DIAPH3: variants seen among roughly 807,000 people sequenced by gnomAD.
DIAPH3 encodes diaphanous related formin 3, also known as protein diaphanous homolog 3.
Under a neutral mutation model 144.3 loss-of-function variants are expected in DIAPH3, and 117 were observed. That is an observed-to-expected ratio of 0.81 (90% confidence interval 0.70 to 0.95). The LOEUF (loss-of-function observed/expected upper bound fraction) is 0.95, where lower values mean the gene tolerates loss of function less well. Ranked by LOEUF, DIAPH3 falls within the 40% of genes least tolerant of loss-of-function variation. The probability of loss-of-function intolerance (pLI) is 0.00; values close to 1 mark genes in which losing one functional copy is unlikely to be tolerated. For missense variants in DIAPH3, 1,421 were observed against 1,412.7 expected (o/e 1.01, Z -0.09); for synonymous variants, 519 against 488.9 (o/e 1.06, Z -0.81).
chr13:59,922,736 T>C (rs977397167), intron 18 of DIAPH3, among the ~76,000 whole-genome samples: 5 of 152,084 alleles, frequency 3.3e-5, no homozygotes, highest in Non-Finnish European at 7.4e-5. Context: ...TAATATGACA[T>C]GGTATAAATT....
In DIAPH3 at chr13:59,774,878, T is replaced by C. The variant is rs1012544062; in HGVS notation, c.3164-55A>G. The C allele has an allele frequency of 6.3e-6, 9 of 1,438,364 alleles. No individual in the cohort carries two copies. The African/African-American group carries it at 9.8e-5, about 16-fold the overall frequency. The allele number at this position is 1,438,364 out of a possible 1,614,324, so 89.1% of individuals were successfully genotyped here. On this transcript the variant is annotated intron_variant, in intron 25 of 27. Coordinates refer to ENST00000400324, the MANE Select transcript of DIAPH3 (RefSeq NM_001042517.2). ...AGCCCTCAGGGTTACCATAGCAATGTCAAAGCATATACAAAAACTGGTGAT... is the reference window on the plus strand; with the variant it reads ...AGCCCTCAGGGTTACCATAGCAATGCCAAAGCATATACAAAAACTGGTGAT...
chr13:59,910,187 C>T (rs2046923868), intron 20 of DIAPH3, among the ~76,000 whole-genome samples: 1 of 134,080 alleles, frequency 7.5e-6, no homozygotes, highest in Non-Finnish European at 1.7e-5. Context: ...AAAAAAAAAA[C>T]ACTCTAAATA....
Position 60,042,828 on chromosome 13 carries a change from A to AT in DIAPH3, c.496-9dup. 6.2e-7 allele frequency: 1 copy of AT among 1,612,744 alleles called. No individual in the cohort carries two copies. Among genetic ancestry groups the AT allele is most frequent in the Non-Finnish European group, 8.5e-7 (1 of 1,179,126 alleles). On this transcript the variant is annotated splice_polypyrimidine_tract_variant and intron_variant, in intron 4 of 27. Coordinates refer to ENST00000400324, the MANE Select transcript of DIAPH3 (RefSeq NM_001042517.2). ...GCTTCTCTTAAGACTTCCCTATAAA[A>AT]TAAGTCAAAAAATGTTTTGATTAAT...
intron 2 of DIAPH3, among the ~76,000 whole-genome samples, chr13:60,115,189 C>T (rs182789923): frequency 7.9e-5 from 12 of 152,114 alleles, no homozygotes; most frequent in Admixed American, 7.9e-4. Context: ...TGGTGACCAA[C>T]ACAGCTACAG....
chr13:60,031,945 C>T (rs1241471532), intron 5 of DIAPH3, among the ~76,000 whole-genome samples: 2 of 151,830 alleles, frequency 1.3e-5, no homozygotes, highest in South Asian at 2.1e-4. Flanking sequence ...GGTTTCACCA[C>T]GTTGGCCAAG....
intron 3 of DIAPH3, 38 bp from the exon 4 acceptor site, chr13:60,093,770 A>G (rs1566763684): frequency 1.5e-6 from 2 of 1,352,214 alleles, no homozygotes; most frequent in East Asian, 2.3e-5. Context: ...TTTAGAATCT[A>G]AGTAGAGCAG....
At chr13:59,701,848 A>T (rs1028779614) in intron 27 of DIAPH3, among the ~76,000 whole-genome samples, 1 of 152,222 alleles carries the variant, frequency 6.6e-6, no homozygotes, top group Non-Finnish European at 1.5e-5. Flanking sequence ...CAGATCTGCA[A>T]GGTCTTCCCT....
chr13:59,917,270 G>T (rs1049239481), intron 18 of DIAPH3, among the ~76,000 whole-genome samples: 1 of 152,136 alleles, frequency 6.6e-6, no homozygotes, highest in Non-Finnish European at 1.5e-5. Context: ...TATAAAAGCA[G>T]AATATAAGGA....
At chr13:60,054,796 T>C (rs753883068) in intron 4 of DIAPH3, among the ~76,000 whole-genome samples, 3 of 151,978 alleles carry the variant, frequency 2.0e-5, no homozygotes, top group Admixed American at 6.6e-5. Flanking sequence ...TTTCAAATGA[T>C]TTCAAGCATC....
At chr13:59,694,625 G>C (rs909908755) in intron 27 of DIAPH3, among the ~76,000 whole-genome samples, 2 of 152,064 alleles carry the variant, frequency 1.3e-5, no homozygotes, top group African/African-American at 4.8e-5. Context: ...GCTTAATAAA[G>C]TAAATTAGCC....
At chr13:60,121,708 C>T (rs148834978) in intron 2 of DIAPH3, among the ~76,000 whole-genome samples, 5 of 152,178 alleles carry the variant, frequency 3.3e-5, no homozygotes, top group Middle Eastern at 3.4e-3. Context: ...GCCTGGAGGA[C>T]TTGATAGATA....
chr13:59,907,248 A>T (rs1302525370), intron 20 of DIAPH3, among the ~76,000 whole-genome samples: 1 of 152,218 alleles, frequency 6.6e-6, no homozygotes, highest in South Asian at 2.1e-4. Flanking sequence ...GAATATTTCA[A>T]ATTAAGCACA....
Position 59,722,331 on chromosome 13 carries a change from G to A in DIAPH3, c.3319+51858C>T, listed in dbSNP as rs541598069. On this transcript the variant is annotated intron_variant, in intron 27 of 27. Coordinates refer to ENST00000400324, the MANE Select transcript of DIAPH3 (RefSeq NM_001042517.2). ...AAATATGATTATTACTTGTGAACAGGTAATGTATCCTGGTTATGGTGGACT... is the reference window on the plus strand; with the variant it reads ...AAATATGATTATTACTTGTGAACAGATAATGTATCCTGGTTATGGTGGACT... 3.1e-4 allele frequency among the ~76,000 whole-genome samples: 47 copies of A among 152,314 alleles called. 1 individual carries two copies. In the South Asian group the frequency reaches 9.5e-3, roughly 31 times the overall value.
In DIAPH3 at chr13:59,861,506, T is replaced by C; in HGVS notation, c.2638A>G (p.Thr880Ala). 6.2e-7 allele frequency: 1 copy of C among 1,613,794 alleles called. No homozygotes were observed. The highest frequency in any genetic ancestry group is 1.7e-5 in the Admixed American group (1 of 60,008). Residue 880 changes from threonine to alanine, a missense_variant, in exon 22 of 28, where the codon ACA becomes GCA. Physicochemically the swap from Thr to Ala is moderately conservative, Grantham distance 58. Coordinates refer to ENST00000400324, the MANE Select transcript of DIAPH3 (RefSeq NM_001042517.2). ...TCTACCAGGAAATGAAGTAGCGTTG[T>C]TTTCTGATCTGCTGATTTTGTGTCC... The part of the protein sequence containing the change: ...LKDTKSADQK[T>A]TLLHFLVEIC...
intron 17 of DIAPH3, among the ~76,000 whole-genome samples, chr13:59,954,609 C>T (rs2140458240): frequency 6.6e-6 from 1 of 152,222 alleles, no homozygotes; most frequent in Non-Finnish European, 1.5e-5. Context: ...TTAGTCCATT[C>T]TCACACTGCT....
intron 4 of DIAPH3, among the ~76,000 whole-genome samples, chr13:60,046,449 C>T (rs1309391413): frequency 3.3e-5 from 5 of 152,036 alleles, no homozygotes; most frequent in Non-Finnish European, 5.9e-5. Flanking sequence ...GTTACAATGG[C>T]GATCATTAAA....
rs142837303 is a variant in DIAPH3, at chr13:59,682,676, ACTGT to A, written c.3320-15834_3320-15831del. On this transcript the variant is annotated intron_variant, in intron 27 of 27. Coordinates refer to ENST00000400324, the MANE Select transcript of DIAPH3 (RefSeq NM_001042517.2). ...AACTCTATATATAATACTGCATAAA[ACTGT>A]CTGTATAACAAGGAATACCCTATTC... Among the ~76,000 whole-genome samples the A allele has an allele frequency of 9.4e-3, 1,431 of 152,302 alleles. 26 individuals are homozygous for A. Among genetic ancestry groups the A allele is most frequent in the African/African-American group, 0.032 (1,340 of 41,572 alleles).
chr13:59,933,398 T>G (rs1365356946), intron 17 of DIAPH3, among the ~76,000 whole-genome samples: 1 of 152,058 alleles, frequency 6.6e-6, no homozygotes, highest in Non-Finnish European at 1.5e-5. Context: ...CAAAGAAGAG[T>G]ACGATCAGAG....
intron 5 of DIAPH3, among the ~76,000 whole-genome samples, chr13:60,028,007 T>C (rs1377381270): frequency 2.0e-5 from 3 of 152,202 alleles, no homozygotes; most frequent in Non-Finnish European, 2.9e-5. Flanking sequence ...ATAAATTTCA[T>C]TGCTACTTTT....
Sources: gnomAD v4.1 joint callset for allele counts (sites outside exome capture counted in the v4.1 genomes callset) on GRCh38, gnomAD v4.1.1 for gene constraint, MANE v1.5 for transcripts, NCBI Gene and HGNC (gene_info 2026-07-23, HGNC 2026-07-21) for gene names.